ZNF423: variants seen among roughly 807,000 people sequenced by gnomAD.
ZNF423 encodes zinc finger protein 423.
In ZNF423, 12 loss-of-function variants were observed where a neutral mutation model predicts 95.8. The observed-to-expected ratio is 0.13, with a 90% CI of 0.08 to 0.20. The LOEUF is 0.20. Among genes scored for constraint, ZNF423 ranks in the 10% least tolerant of loss-of-function variants. The pLI, the probability that ZNF423 is intolerant of heterozygous loss-of-function variation, is 1.00. For missense variants in ZNF423, 1,316 were observed against 1,737.1 expected (o/e 0.76, Z 4.31); for synonymous variants, 749 against 711.9 (o/e 1.05, Z -0.83).
At chr16:49,658,350 G>C (rs948190050) in intron 3 of ZNF423, among the ~76,000 whole-genome samples, 1 of 152,344 alleles carries the variant, frequency 6.6e-6, no homozygotes, top group African/African-American at 2.4e-5. Context: ...GGCCTGAGGA[G>C]GGCCAGGAAG....
chr16:49,636,369 C>G lies in ZNF423; in HGVS notation c.2807G>C (p.Gly936Ala). 6.2e-7 allele frequency: 1 copy of G among 1,612,994 alleles called. No homozygotes were observed. The highest frequency in any genetic ancestry group is 8.5e-7 in the Non-Finnish European group (1 of 1,180,022). ...TGAACAAACGTTGCACTTGTGACTG[C>G]CCTTGATAAACTCAGCCTTCTTGCG... The part of the protein sequence containing the change: ...GSRKKAEFIK[G>A]SHKCNVCSRT... The change falls in exon 4 of 8, where the codon GGC becomes GCC. Residue 936 changes from glycine to alanine, a missense_variant. This residue lies in a region of ZNF423 where 620 missense variants were observed against 775.6 expected (regional missense o/e 0.80). Coordinates refer to ENST00000563137, the MANE Select transcript of ZNF423 (RefSeq NM_001379286.1). This position sits in a 1 kb window ranked among gnomAD's most constrained non-coding sequence, Gnocchi z 8.6.
intron 5 of ZNF423, among the ~76,000 whole-genome samples, chr16:49,594,975 A>G (rs1971136488): frequency 6.6e-6 from 1 of 152,212 alleles, no homozygotes; most frequent in Non-Finnish European, 1.5e-5. Context: ...GACAAGGCCC[A>G]GCCAGGCTCT....
chr16:49,716,827 G>C lies in ZNF423; in HGVS notation c.301+13944C>G, dbSNP rs1274677197. ...AGAGGAAAGTGGAATCCGCATTACGGGATGATCTGCTGGGAGCACTCCTTG... is the reference window on the plus strand; with the variant it reads ...AGAGGAAAGTGGAATCCGCATTACGCGATGATCTGCTGGGAGCACTCCTTG... On this transcript the variant is annotated intron_variant, in intron 3 of 7. Coordinates refer to ENST00000563137, the MANE Select transcript of ZNF423 (RefSeq NM_001379286.1). Among the ~76,000 whole-genome samples the C allele has an allele frequency of 2.0e-5, 3 of 152,012 alleles. No homozygotes were observed. In the East Asian group the frequency reaches 5.8e-4, roughly 29 times the overall value.
intron 2 of ZNF423, among the ~76,000 whole-genome samples, chr16:49,766,744 C>G (rs1861333): frequency 0.16 from 24,363 of 152,152 alleles, 2,017 homozygotes; most frequent in South Asian, 0.26. Context: ...CAGTGCAGAC[C>G]GAGCCTCGGT....
At chr16:49,733,689 C>CT in intron 2 of ZNF423, among the ~76,000 whole-genome samples, 1 of 152,210 alleles carries the variant, frequency 6.6e-6, no homozygotes. Context: ...ACCTCATCCT[C>CT]TGGGCTCCCA....
At chr16:49,493,233 G>C (rs1596992689) in intron 7 of ZNF423, among the ~76,000 whole-genome samples, 1 of 152,058 alleles carries the variant, frequency 6.6e-6, no homozygotes, top group Non-Finnish European at 1.5e-5. Flanking sequence ...CTCAGTTCCC[G>C]CCTCCCTTCT....
chr16:49,696,931 A>G (rs2151951209), intron 3 of ZNF423, among the ~76,000 whole-genome samples: 1 of 152,362 alleles, frequency 6.6e-6, no homozygotes, highest in Non-Finnish European at 1.5e-5. Context: ...TTGATGGCTC[A>G]GAAGTCACCA....
chr16:49,569,974 G>A (rs770484150), intron 5 of ZNF423, among the ~76,000 whole-genome samples: 2 of 152,200 alleles, frequency 1.3e-5, no homozygotes, highest in Non-Finnish European at 2.9e-5. Flanking sequence ...TGCTAAAGGA[G>A]GTGCTGAACT....
chr16:49,695,694 C>T (rs1241627760), intron 3 of ZNF423, among the ~76,000 whole-genome samples: 2 of 152,156 alleles, frequency 1.3e-5, no homozygotes, highest in Non-Finnish European at 2.9e-5. Flanking sequence ...CCCAAAGTGC[C>T]AGGATTACAG....
At chr16:49,517,102 C>T (rs972793100) in intron 7 of ZNF423, among the ~76,000 whole-genome samples, 2 of 152,212 alleles carry the variant, frequency 1.3e-5, no homozygotes, top group Admixed American at 6.5e-5. Context: ...AGGCAGGGAC[C>T]AGGCAGTCTT....
intron 3 of ZNF423, among the ~76,000 whole-genome samples, chr16:49,677,278 G>GAAGAGAAGAGAAGAA (rs1460080628): frequency 1.2e-5 from 1 of 80,490 alleles, no homozygotes; most frequent in East Asian, 4.8e-4. Flanking sequence ...GAAGAGAAGA[G>GAAGAGAAGAGAAGAA]AAGAGAAGAG....
At chr16:49,666,899 G>C (rs530627833) in intron 3 of ZNF423, among the ~76,000 whole-genome samples, 81 of 152,352 alleles carry the variant, frequency 5.3e-4, no homozygotes, top group African/African-American at 1.7e-3. Context: ...GGCAGGGTGG[G>C]AAAGCATGAT....
rs1385447097 is a variant in ZNF423 at position 49,659,350 on chromosome 16, C to A, written c.302-20476G>T. On this transcript the variant is annotated intron_variant, in intron 3 of 7. Coordinates refer to ENST00000563137, the MANE Select transcript of ZNF423 (RefSeq NM_001379286.1). ...AAACCAATCCTCCTGCCTCAGCCTG[C>A]CAAAGTGTCAGAATTGCAGGCGTGA... Among the ~76,000 whole-genome samples the A allele has an allele frequency of 2.0e-5, 3 of 152,240 alleles. No homozygotes were observed. In the East Asian group the frequency reaches 5.8e-4, roughly 29 times the overall value.
At chr16:49,507,633 A>G (rs1466270761) in intron 7 of ZNF423, among the ~76,000 whole-genome samples, 1 of 122,548 alleles carries the variant, frequency 8.2e-6, no homozygotes, top group Non-Finnish European at 1.7e-5. Flanking sequence ...AACACATTCC[A>G]CAACTCCCAC....
chr16:49,636,056 C>G lies in ZNF423; in HGVS notation c.3120G>C (p.Thr1040=), dbSNP rs145829157. ...AGGTGCCATGGATCTTGAGCTCAAG[C>G]GTGGAAGTGACTGTCTGCATGCAGA... ...CVVCMQTVTS[T]LELKIHGTFH... Residue 1040 remains threonine, a synonymous_variant, in exon 4 of 8, where the codon ACG becomes ACC. Transcript: ENST00000563137. The surrounding 1 kb of genome is among the most constrained non-coding windows in gnomAD (Gnocchi z 8.6). 1.2e-6 allele frequency: 2 copies of G among 1,613,598 alleles called. No homozygotes were observed. Among genetic ancestry groups the G allele is most frequent in the Non-Finnish European group, 1.7e-6 (2 of 1,179,720 alleles).
intron 1 of ZNF423, among the ~76,000 whole-genome samples, chr16:49,828,576 C>T (rs2035029772): frequency 1.3e-5 from 2 of 152,234 alleles, no homozygotes; most frequent in Admixed American, 1.3e-4. Context: ...CCAGCTTAAA[C>T]AGCTCCACTT....
intron 1 of ZNF423, among the ~76,000 whole-genome samples, chr16:49,790,121 G>A (rs533391783): frequency 6.6e-6 from 1 of 152,306 alleles, no homozygotes; most frequent in East Asian, 1.9e-4. Context: ...GGAGAATATG[G>A]GAGAAACACT....
chr16:49,708,337 C>G (rs1215343085), intron 3 of ZNF423: 1 of 152,164 alleles, frequency 6.6e-6, no homozygotes, highest in East Asian at 1.9e-4. Flanking sequence ...ACTCTGCCCC[C>G]CTGGCTAGAG....
chr16:49,638,115 C>A lies in ZNF423; in HGVS notation c.1061G>T (p.Arg354Leu). Reference sequence around the variant, plus strand: ...ACTGTGGTTGCTGGAGTCGGGCTGCCGGTGGCTGTCCAGGTGGCAGTAGAC... The same window carrying A: ...ACTGTGGTTGCTGGAGTCGGGCTGCAGGTGGCTGTCCAGGTGGCAGTAGAC... ...EGVYCHLDSHRQPDSSNHSVS... is the reference protein window; with the variant it reads ...EGVYCHLDSHLQPDSSNHSVS... Residue 354 changes from arginine (R) to leucine (L), a missense_variant, in exon 4 of 8, where the codon CGG becomes CTG. By Grantham distance (102) the Arg-to-Leu change is moderately radical. This residue lies in a region of ZNF423 where 399 missense variants were observed against 478.5 expected (regional missense o/e 0.83). Transcript: ENST00000563137. The surrounding 1 kb of genome is among the most constrained non-coding windows in gnomAD (Gnocchi z 5.6). 1 of 1,613,172 alleles carries A rather than the reference C, an allele frequency of 6.2e-7. No homozygotes were observed. Among genetic ancestry groups the A allele is most frequent in the Non-Finnish European group, 8.5e-7 (1 of 1,179,994 alleles).
Sources: allele counts gnomAD v4.1 joint callset (sites outside exome capture counted in the v4.1 genomes callset), GRCh38; gene constraint gnomAD v4.1.1; regional missense constraint gnomAD v4.1.1; non-coding constraint Gnocchi (gnomAD v3.1); transcripts MANE v1.5; gene names NCBI Gene and HGNC (gene_info 2026-07-23, HGNC 2026-07-21).